EVA1C: variants seen among roughly 807,000 people sequenced by gnomAD.
EVA1C encodes eva-1 homolog C.
EVA1C carries 25 observed loss-of-function variants against 45.4 expected under a neutral mutation model. That is an observed-to-expected ratio of 0.55 (90% CI 0.40 to 0.77). The LOEUF (loss-of-function observed/expected upper bound fraction) is 0.77. Among genes scored for constraint, EVA1C ranks in the 30% least tolerant of loss-of-function variants. EVA1C has a pLI of 0.00. For synonymous variants in EVA1C, 190 were observed against 221.2 expected, an observed-to-expected ratio of 0.86 and a Z score of 1.25; for missense variants, 479 against 554.8, an observed-to-expected ratio of 0.86 and a Z score of 1.37.
intron 1 of EVA1C, among the ~76,000 whole-genome samples, chr21:32,421,367 G>A (rs2255822): frequency 0.38 from 58,441 of 151,950 alleles, 11,864 homozygotes; most frequent in African/African-American, 0.51. Context: ...GAAAACCTAA[G>A]CCTTCATTAA....
intron 4 of EVA1C, among the ~76,000 whole-genome samples, chr21:32,486,839 G>T (rs1176983954): frequency 6.6e-6 from 1 of 152,036 alleles, no homozygotes; most frequent in African/African-American, 2.4e-5. Flanking sequence ...CCCTTTCAGT[G>T]GTAAATGCTA....
chr21:32,478,705 CT>C (rs1326234755), intron 4 of EVA1C, among the ~76,000 whole-genome samples: 1 of 4,252 alleles, frequency 2.4e-4, no homozygotes, highest in Non-Finnish European at 4.1e-4. Flanking sequence ...CAGGAGTGAG[CT>C]TTTCCCGAAG....
rs540669267 is a variant in EVA1C at position 32,515,212 on chromosome 21, G to A, written c.*22G>A. The A allele has an allele frequency of 1.7e-5, 26 of 1,539,150 alleles. No homozygotes were observed. The highest frequency in any genetic ancestry group is 4.5e-5 in the East Asian group (2 of 43,970). Reference sequence around the variant, plus strand: ...CTGAAAACCACATGCATCTTGATGCGATCGCACTTTCTGAAGAAGGAAGGA... The same window carrying A: ...CTGAAAACCACATGCATCTTGATGCAATCGCACTTTCTGAAGAAGGAAGGA... On this transcript the variant is annotated 3_prime_UTR_variant, in exon 8 of 8. Coordinates refer to ENST00000300255, the MANE Select transcript of EVA1C (RefSeq NM_058187.5).
chr21:32,457,900 AAGAG>A (rs761761018), intron 3 of EVA1C, among the ~76,000 whole-genome samples, 180 bp downstream of exon 3: 12 of 152,294 alleles, frequency 7.9e-5, no homozygotes, highest in East Asian at 3.9e-4. Context: ...CAGAGAAAGA[AAGAG>A]AGAGAGATTT....
chr21:32,512,914 G>A (rs1441276434), intron 7 of EVA1C, among the ~76,000 whole-genome samples: 1 of 151,954 alleles, frequency 6.6e-6, no homozygotes, highest in Non-Finnish European at 1.5e-5. Context: ...TCAAAGGGGA[G>A]GAAGATGAAA....
At chr21:32,510,359 T>A (rs2037908803) in intron 7 of EVA1C, among the ~76,000 whole-genome samples, 1 of 152,080 alleles carries the variant, frequency 6.6e-6, no homozygotes, top group Non-Finnish European at 1.5e-5. Context: ...CCGGCCGATT[T>A]CCGCCATTAC....
intron 1 of EVA1C, among the ~76,000 whole-genome samples, chr21:32,415,075 C>T (rs1369334362): frequency 6.6e-6 from 1 of 152,142 alleles, no homozygotes; most frequent in East Asian, 1.9e-4. Context: ...CAAAGATGAC[C>T]ATCTTATTGT....
intron 7 of EVA1C, among the ~76,000 whole-genome samples, chr21:32,505,821 C>G (rs2037707042): frequency 6.6e-6 from 1 of 152,140 alleles, no homozygotes; most frequent in African/African-American, 2.4e-5. Context: ...AGGATTCCCC[C>G]CTTATGGCCT....
intron 2 of EVA1C, among the ~76,000 whole-genome samples, chr21:32,454,522 G>A (rs1232962001): frequency 6.6e-6 from 1 of 152,004 alleles, no homozygotes; most frequent in Non-Finnish European, 1.5e-5. Context: ...TCAATCATCT[G>A]AGCAACTTCT....
chr21:32,504,838 A>G (rs2146447905), intron 7 of EVA1C, among the ~76,000 whole-genome samples: 1 of 152,200 alleles, frequency 6.6e-6, no homozygotes, highest in South Asian at 2.1e-4. Flanking sequence ...TCATGCTATT[A>G]ATAAAGACAT....
chr21:32,457,146 G>C (rs2035813820), intron 2 of EVA1C, among the ~76,000 whole-genome samples: 1 of 152,172 alleles, frequency 6.6e-6, no homozygotes, highest in South Asian at 2.1e-4. Context: ...CCTGTGTCCT[G>C]TGTGGGGCTA....
At position 32,509,175 on chromosome 21, in the gene EVA1C, G is replaced by A. The variant is rs570829792; in HGVS notation, c.949+5160G>A. Among the ~76,000 whole-genome samples the A allele has an allele frequency of 5.8e-4, 88 of 152,336 alleles. 2 individuals carry two copies. The South Asian group carries it at 0.018, about 30-fold the overall frequency. On this transcript the variant is annotated intron_variant, in intron 7 of 7. Coordinates refer to ENST00000300255, the MANE Select transcript of EVA1C (RefSeq NM_058187.5). ...CACAAGTGACTTGGCTACAACAAGA[G>A]GGGTTGGACCAGCTCATCACTAAGA...
In EVA1C at chr21:32,424,132, G is replaced by A. The variant is rs140310477; in HGVS notation, c.160+11119G>A. Among the ~76,000 whole-genome samples the A allele has an allele frequency of 3.3e-3, 500 of 152,296 alleles. 8 individuals carry two copies. The highest frequency in any genetic ancestry group is 0.011 in the African/African-American group (463 of 41,572). On this transcript the variant is annotated intron_variant, in intron 1 of 7. Transcript: ENST00000300255. Reference sequence around the variant, plus strand: ...GCAAAGGCCCATGCGATGCGTACTCGTGACAGCTTTCAGAGTAGTGTTTCA... The same window carrying A: ...GCAAAGGCCCATGCGATGCGTACTCATGACAGCTTTCAGAGTAGTGTTTCA...
At chr21:32,476,143 C>G (rs2036555387) in intron 4 of EVA1C, among the ~76,000 whole-genome samples, 1 of 148,888 alleles carries the variant, frequency 6.7e-6, no homozygotes, top group Admixed American at 6.7e-5. Flanking sequence ...GCTTTTGCCT[C>G]TTTTTTTTTT....
intron 4 of EVA1C, among the ~76,000 whole-genome samples, chr21:32,479,073 T>C (rs1250369710): frequency 6.6e-6 from 1 of 152,218 alleles, no homozygotes; most frequent in Non-Finnish European, 1.5e-5. Context: ...AAAATGTAAA[T>C]GGTTGAATAT....
intron 7 of EVA1C, among the ~76,000 whole-genome samples, chr21:32,507,657 TG>T (rs1229238554): frequency 2.6e-5 from 4 of 151,616 alleles, no homozygotes; most frequent in East Asian, 1.9e-4. Context: ...CAGGTGTGCC[TG>T]TGTGTGCATG....
At chr21:32,459,394 T>C (rs1396272572) in intron 3 of EVA1C, among the ~76,000 whole-genome samples, 1 of 152,156 alleles carries the variant, frequency 6.6e-6, no homozygotes, top group African/African-American at 2.4e-5. Flanking sequence ...CACATCAAGA[T>C]CTCAGTGTTC....
At chr21:32,445,659 TC>T (rs2035337211) in intron 1 of EVA1C, among the ~76,000 whole-genome samples, 1 of 152,204 alleles carries the variant, frequency 6.6e-6, no homozygotes, top group Admixed American at 6.5e-5. Flanking sequence ...AAGAAGGACT[TC>T]CCTGTGTCTT....
intron 4 of EVA1C, among the ~76,000 whole-genome samples, chr21:32,493,035 T>C (rs1050910108): frequency 1.3e-5 from 2 of 152,168 alleles, no homozygotes; most frequent in African/African-American, 4.8e-5. Flanking sequence ...ATTATCTGTA[T>C]TTATTGGGCT....
Sources: gnomAD v4.1 joint callset for allele counts (sites outside exome capture counted in the v4.1 genomes callset) on GRCh38, gnomAD v4.1.1 for gene constraint, MANE v1.5 for transcripts, NCBI Gene and HGNC (gene_info 2026-07-23, HGNC 2026-07-21) for gene names.